LRRC7: variants seen among roughly 807,000 people sequenced by gnomAD.
The protein encoded by LRRC7 is leucine rich repeat containing 7.
Under a neutral mutation model 175.7 loss-of-function variants are expected in LRRC7, and 23 were observed. The ratio of observed to expected loss-of-function variants is 0.13; its 90% CI spans 0.09 to 0.19. The LOEUF (loss-of-function observed/expected upper bound fraction) is 0.19, where lower values mean the gene tolerates loss of function less well. LRRC7 is among the 10% of genes least tolerant of loss of function. The probability of loss-of-function intolerance (pLI) is 1.00; values close to 1 mark genes in which losing one functional copy is unlikely to be tolerated. For synonymous variants in LRRC7, 685 were observed against 680.9 expected (o/e 1.01, Z -0.09); for missense variants, 1,354 against 1,904.7 (o/e 0.71, Z 5.38).
chr1:69,976,940 G>A (rs1383102444), intron 8 of LRRC7, among the ~76,000 whole-genome samples: 1 of 144,306 alleles, frequency 6.9e-6, no homozygotes, highest in Non-Finnish European at 1.6e-5. Context: ...CTAAGCTTCA[G>A]ATTTTGATGC....
intron 8 of LRRC7, among the ~76,000 whole-genome samples, chr1:69,968,967 C>T (rs920160031): frequency 7.2e-5 from 11 of 151,848 alleles, no homozygotes; most frequent in African/African-American, 1.5e-4. Context: ...TACAGGTGCC[C>T]GCCACCACAC....
At chr1:69,634,867 G>C (rs1286206221) in intron 1 of LRRC7, among the ~76,000 whole-genome samples, 1 of 152,102 alleles carries the variant, frequency 6.6e-6, no homozygotes, top group Non-Finnish European at 1.5e-5. Flanking sequence ...ACACATAAAA[G>C]AAAATTTGAC....
At chr1:69,883,076 G>A (rs1202306023) in intron 7 of LRRC7, among the ~76,000 whole-genome samples, 4 of 151,930 alleles carry the variant, frequency 2.6e-5, no homozygotes, top group South Asian at 2.1e-4. Flanking sequence ...ATAAACATAC[G>A]TGTGCATGTG....
chr1:70,061,136 C>G (rs1661546805), intron 23 of LRRC7, among the ~76,000 whole-genome samples: 1 of 152,072 alleles, frequency 6.6e-6, no homozygotes, highest in Admixed American at 6.6e-5. Context: ...ACTTCTCTTT[C>G]CTGGTTCTCT....
At chr1:69,592,599 A>G (rs1231666204) in intron 1 of LRRC7, among the ~76,000 whole-genome samples, 2 of 152,048 alleles carry the variant, frequency 1.3e-5, no homozygotes, top group Non-Finnish European at 2.9e-5. Context: ...TTCTGTTAAG[A>G]TTTTGGCTGA....
intron 3 of LRRC7, among the ~76,000 whole-genome samples, chr1:69,767,739 GAC>G (rs1456817780): frequency 1.3e-5 from 2 of 152,156 alleles, no homozygotes; most frequent in Admixed American, 6.6e-5. Context: ...TGGATTTACA[GAC>G]ATGAGCCACC....
chr1:69,887,915 T>C (rs28846481), intron 7 of LRRC7, among the ~76,000 whole-genome samples: 4,478 of 145,228 alleles, frequency 0.031, 154 homozygotes, highest in African/African-American at 0.086. Flanking sequence ...GGGGTGCCTC[T>C]CAGTTAGGCT....
chr1:69,653,027 T>C (rs1384062079), intron 1 of LRRC7, among the ~76,000 whole-genome samples: 1 of 152,048 alleles, frequency 6.6e-6, no homozygotes, highest in Non-Finnish European at 1.5e-5. Context: ...TTCTTGCCAA[T>C]TGGTCTTGGC....
In LRRC7 at chr1:69,969,108, G is replaced by A. The variant is rs539672014; in HGVS notation, c.712-11271G>A. Among the ~76,000 whole-genome samples, 8 of 152,068 alleles carry A rather than the reference G, an allele frequency of 5.3e-5. No individual in the cohort carries two copies. The East Asian group carries it at 7.8e-4, about 15-fold the overall frequency. On this transcript the variant is annotated intron_variant, in intron 8 of 26. Transcript: ENST00000651989. ...GCTGGGATTACAGATGTGAGCCACC[G>A]TGCCTGGCCAAGGAGCTCTAAATCT...
Position 69,568,585 on chromosome 1 carries a change from G to T in LRRC7, c.-55G>T. On this transcript the variant is annotated 5_prime_UTR_variant, in exon 1 of 27. Coordinates refer to ENST00000651989, the MANE Select transcript of LRRC7 (RefSeq NM_001370785.2). The stretch of plus-strand genomic sequence containing the variant: ...CCTGAACACTTAAGGAATAACCCTT[G>T]GCAGCTGCACGACTACGCTCTCCGA... The T allele has an allele frequency of 7.4e-7, 1 of 1,347,002 alleles. No individual in the cohort carries two copies. 83.4% of individuals were successfully genotyped at this position (1,347,002 alleles called of 1,614,324 possible).
rs186950501 is a variant in LRRC7 at position 70,114,948 on chromosome 1, T to C, written c.4621-6832T>C. Among the ~76,000 whole-genome samples, 151 of 152,330 alleles carry C rather than the reference T, an allele frequency of 9.9e-4. 1 individual carries two copies. Among genetic ancestry groups the C allele is most frequent in the East Asian group, 2.5e-3 (13 of 5,180 alleles). The stretch of plus-strand genomic sequence containing the variant: ...TAACATCCATTAAGTGTCTTTATTG[T>C]GTCATTTAAATCATACAACCCTGCA... On this transcript the variant is annotated intron_variant, in intron 26 of 26. Transcript: ENST00000651989.
At chr1:69,980,033 C>T (rs886615677) in intron 8 of LRRC7, among the ~76,000 whole-genome samples, 1 of 151,916 alleles carries the variant, frequency 6.6e-6, no homozygotes, top group African/African-American at 2.4e-5. Context: ...AAACATTCCC[C>T]AGGTCTTCAA....
At chr1:69,668,469 A>T (rs540804918) in intron 1 of LRRC7, among the ~76,000 whole-genome samples, 1 of 152,186 alleles carries the variant, frequency 6.6e-6, no homozygotes, top group Non-Finnish European at 1.5e-5. Context: ...TGCAAAGAAC[A>T]TGAACTCATC....
intron 4 of LRRC7, among the ~76,000 whole-genome samples, chr1:69,811,682 A>G (rs1677888869): frequency 6.6e-6 from 1 of 152,086 alleles, no homozygotes; most frequent in African/African-American, 2.4e-5. Context: ...AGAAAATCAA[A>G]CACCGCATAT....
rs1659329459 is a variant in LRRC7, at chr1:70,036,486, A to G, written c.2150A>G (p.Asn717Ser). 1 of 1,613,888 alleles carries G rather than the reference A, an allele frequency of 6.2e-7. No individual in the cohort carries two copies. The highest frequency in any genetic ancestry group is 8.5e-7 in the Non-Finnish European group (1 of 1,179,860). The stretch of plus-strand genomic sequence containing the variant: ...GAAGTTGACAAAACTCACTGTCTGA[A>G]TAACAGTGTTTCCTCAGGCACTTAC... ...ESEVDKTHCL[N>S]NSVSSGTYSD... Residue 717 changes from asparagine to serine, a missense_variant, in exon 20 of 27, where the codon AAT becomes AGT. Coordinates refer to ENST00000651989, the MANE Select transcript of LRRC7 (RefSeq NM_001370785.2).
intron 7 of LRRC7, among the ~76,000 whole-genome samples, chr1:69,868,903 G>A (rs917400748): frequency 2.3e-5 from 3 of 128,828 alleles, no homozygotes; most frequent in Non-Finnish European, 5.1e-5. Flanking sequence ...ATATATGTAT[G>A]TATATATGTA....
chr1:69,679,200 G>A (rs1226289273), intron 2 of LRRC7, among the ~76,000 whole-genome samples: 1 of 151,902 alleles, frequency 6.6e-6, no homozygotes, highest in Non-Finnish European at 1.5e-5. Context: ...TTTCCTCATG[G>A]TATTTGCATA....
At chr1:69,911,395 T>G (rs1252603138) in intron 7 of LRRC7, among the ~76,000 whole-genome samples, 1 of 152,230 alleles carries the variant, frequency 6.6e-6, no homozygotes, top group Non-Finnish European at 1.5e-5. Context: ...CCACAATGAC[T>G]AATCTAAGTT....
intron 2 of LRRC7, among the ~76,000 whole-genome samples, chr1:69,691,438 A>ACAG (rs1661845807): frequency 6.6e-6 from 1 of 152,184 alleles, no homozygotes; most frequent in Non-Finnish European, 1.5e-5. Flanking sequence ...AACATTAAGC[A>ACAG]CAGCATTTGG....
Sources: gnomAD v4.1 joint callset for allele counts (sites outside exome capture counted in the v4.1 genomes callset) on GRCh38, gnomAD v4.1.1 for gene constraint, MANE v1.5 for transcripts, NCBI Gene and HGNC (gene_info 2026-07-23, HGNC 2026-07-21) for gene names.